Variants in TARS1 observed in about 807,000 individuals in gnomAD.
TARS1 encodes threonine--tRNA ligase 1, cytoplasmic.
A neutral mutation model predicts 97.7 loss-of-function variants in TARS1; 57 were observed. That is an observed-to-expected ratio of 0.58 (90% CI 0.47 to 0.73). The LOEUF (loss-of-function observed/expected upper bound fraction) is 0.73, where lower values mean the gene tolerates loss of function less well. TARS1 is among the 30% of genes least tolerant of loss of function. The pLI is 0.00. For synonymous variants in TARS1, 312 were observed against 293.7 expected (o/e 1.06, Z -0.64); for missense variants, 806 against 888.3 (o/e 0.91, Z 1.18).
intron 17 of TARS1, among the ~76,000 whole-genome samples, chr5:33,466,465 G>A (rs1303348499): frequency 3.3e-5 from 5 of 151,866 alleles, no homozygotes; most frequent in East Asian, 1.9e-4. Flanking sequence ...GGTGTTGATC[G>A]TGTGATATTT....
chr5:33,445,223 A>T, intron 1 of TARS1, 101 bp from the exon 2 acceptor site: 1 of 884,012 alleles, frequency 1.1e-6, no homozygotes, highest in Non-Finnish European at 1.7e-6. Context: ...TTTTTAAATT[A>T]AATAACAAAT....
intron 5 of TARS1, among the ~76,000 whole-genome samples, chr5:33,455,287 G>A (rs750530443): frequency 7.2e-5 from 11 of 152,114 alleles, no homozygotes; most frequent in Non-Finnish European, 1.3e-4. Context: ...AAGGTATTTT[G>A]GGAAATTCAG....
intron 16 of TARS1, among the ~76,000 whole-genome samples, chr5:33,463,207 C>A (rs1382519575): frequency 6.6e-6 from 1 of 152,176 alleles, no homozygotes; most frequent in Non-Finnish European, 1.5e-5. Flanking sequence ...AAGCATTTGA[C>A]ACTTGTATTG....
intron 3 of TARS1, chr5:33,452,437 C>G: frequency 6.5e-7 from 1 of 1,534,936 alleles, no homozygotes. Context: ...CTCTTTTCTT[C>G]CTGTGAGTGC....
At chr5:33,451,261 A>G (rs949264442) in intron 3 of TARS1, among the ~76,000 whole-genome samples, 8 of 152,362 alleles carry the variant, frequency 5.3e-5, no homozygotes, top group Admixed American at 3.9e-4. Context: ...TATAACATTG[A>G]TAACAGGCTA....
chr5:33,455,784 G>A lies in TARS1; in HGVS notation c.693+80G>A, dbSNP rs966081654. The A allele has an allele frequency of 7.1e-5, 77 of 1,091,710 alleles. 1 individual carries two copies. Among genetic ancestry groups the A allele is most frequent in the South Asian group, 3.8e-4 (26 of 67,862 alleles). The allele number at this position is 1,091,710 out of a possible 1,614,324, so 67.6% of individuals were successfully genotyped here. ...GTTGAAGTGACACCACTGGCGTTCC[G>A]TGTACTAAGCTGAAGTCTAATTGGT... On this transcript the variant is annotated intron_variant, in intron 6 of 18. Coordinates refer to ENST00000265112, the MANE Select transcript of TARS1 (RefSeq NM_152295.5).
chr5:33,456,436 A>G (rs1033611055), intron 8 of TARS1, among the ~76,000 whole-genome samples: 12 of 152,340 alleles, frequency 7.9e-5, no homozygotes, highest in Middle Eastern at 3.4e-3. Context: ...TGCCAGAGCA[A>G]TCACAGGGGA....
At chr5:33,442,135 C>T (rs1297219207) in intron 1 of TARS1, among the ~76,000 whole-genome samples, 2 of 152,128 alleles carry the variant, frequency 1.3e-5, no homozygotes, top group African/African-American at 4.8e-5. Flanking sequence ...AAGGGATCCT[C>T]TATCCCAAGT....
Position 33,460,920 on chromosome 5 carries a change from G to A in TARS1, c.1269G>A (p.Arg423=). 1.2e-6 allele frequency: 2 copies of A among 1,614,040 alleles called. No individual in the cohort carries two copies. The highest frequency in any genetic ancestry group is 8.5e-7 in the Non-Finnish European group (1 of 1,180,010). Reference sequence around the variant, plus strand: ...TCTTCAGCCTTATGTTTGATCATCGGCCAAGGTCCTGGCGAGAACTGCCTC... The same window carrying A: ...TCTTCAGCCTTATGTTTGATCATCGACCAAGGTCCTGGCGAGAACTGCCTC... ...CPGHCLMFDH[R]PRSWRELPLR... Residue 423 remains arginine (R), a synonymous_variant, in exon 12 of 19, where the codon CGG becomes CGA. Coordinates refer to ENST00000265112, the MANE Select transcript of TARS1 (RefSeq NM_152295.5).
At chr5:33,442,937 A>T (rs939500114) in intron 1 of TARS1, among the ~76,000 whole-genome samples, 6 of 152,142 alleles carry the variant, frequency 3.9e-5, no homozygotes, top group Non-Finnish European at 7.3e-5. Context: ...CAAACCCAGT[A>T]TCCTATAGCC....
Position 33,461,041 on chromosome 5 carries a change from C to G in TARS1, c.1390C>G (p.His464Asp). Residue 464 changes from histidine (H) to aspartate (D), a missense_variant, in exon 12 of 19, where the codon CAC becomes GAC. Coordinates refer to ENST00000265112, the MANE Select transcript of TARS1 (RefSeq NM_152295.5). ...RVRRFQQDDA[H>D]IFCAMEQIED... ...ACGAAGATTCCAACAGGATGATGCT[C>G]ACATATTCTGTGCCATGGAGCAGGT... 1 of 1,614,120 alleles carries G rather than the reference C, an allele frequency of 6.2e-7. No homozygotes were observed. Among genetic ancestry groups the G allele is most frequent in the Non-Finnish European group, 8.5e-7 (1 of 1,180,036 alleles).
At chr5:33,467,502 T>C in intron 18 of TARS1, 58 bp from the exon 19 acceptor site, 2 of 1,571,646 alleles carry the variant, frequency 1.3e-6, no homozygotes. Context: ...AGATGTTCAG[T>C]GTGAATTCTT....
Position 33,467,686 on chromosome 5 carries a change from A to G in TARS1, c.2150A>G (p.Lys717Arg). 1 of 1,612,198 alleles carries G rather than the reference A, an allele frequency of 6.2e-7. No individual in the cohort carries two copies. Among genetic ancestry groups the G allele is most frequent in the Non-Finnish European group, 8.5e-7 (1 of 1,179,474 alleles). Reference protein sequence around the residue: ...RLQQLKEFRSKQAEEEF With the variant: ...RLQQLKEFRSRQAEEEF ...CAGCAGCTCAAAGAGTTCCGCAGCA[A>G]ACAGGCAGAAGAAGAATTTTAATGA... is the stretch of plus-strand genomic sequence containing the variant. Residue 717 changes from lysine to arginine, a missense_variant, in exon 19 of 19, where the codon AAA becomes AGA. Around this residue, in one of 3 missense-constraint regions of TARS1, gnomAD observed 446 missense variants for 511.0 expected, o/e 0.87. Transcript: ENST00000265112.
intron 3 of TARS1, among the ~76,000 whole-genome samples, chr5:33,450,732 C>T (rs1235419438): frequency 6.6e-6 from 1 of 152,142 alleles, no homozygotes; most frequent in African/African-American, 2.4e-5. Context: ...GAACTTTTTC[C>T]TCTACCTTCT....
At position 33,452,122 on chromosome 5, in the gene TARS1, C is replaced by A. The variant is rs190959063; in HGVS notation, c.330-1167C>A. On this transcript the variant is annotated intron_variant, in intron 3 of 18. Transcript: ENST00000265112. ...AGTTGTATACATTTTGTTGTAAACC[C>A]TTAGACATAGAGAGCCACCAACACA... 3.9e-5 allele frequency among the ~76,000 whole-genome samples: 6 copies of A among 152,232 alleles called. No individual in the cohort carries two copies. The East Asian group carries it at 7.7e-4, about 20-fold the overall frequency.
Position 33,468,076 on chromosome 5 carries a change from A to T in TARS1, c.*368A>T. On this transcript the variant is annotated 3_prime_UTR_variant, in exon 19 of 19. Coordinates refer to ENST00000265112, the MANE Select transcript of TARS1 (RefSeq NM_152295.5). The stretch of plus-strand genomic sequence containing the variant: ...GGATTATGGTGTAAAAATAAAAAAA[A>T]AATTTATTCACATAAGTTTCAAGAC... The T allele has an allele frequency of 5.7e-6, 1 of 176,562 alleles. No individual in the cohort carries two copies. The highest frequency in any genetic ancestry group is 2.4e-3 in the Middle Eastern group (1 of 410). The allele number at this position is 176,562 out of a possible 1,614,324, so 10.9% of individuals were successfully genotyped here.
chr5:33,449,623 T>G (rs907216716), intron 3 of TARS1, among the ~76,000 whole-genome samples: 14 of 151,318 alleles, frequency 9.3e-5, no homozygotes, highest in African/African-American at 2.9e-4. Context: ...GCCCGGCTAA[T>G]TTTTTGTATT....
Position 33,451,108 on chromosome 5 carries a change from C to T in TARS1, c.330-2181C>T, listed in dbSNP as rs552797274. ...CAGCCTTGGTGACAGAGCGAGAGTC[C>T]GTCTCCAGGGAAAAAAATAAAAGGT... On this transcript the variant is annotated intron_variant, in intron 3 of 18. Transcript: ENST00000265112. 1.4e-4 allele frequency among the ~76,000 whole-genome samples: 22 copies of T among 152,058 alleles called. No homozygotes were observed. In the South Asian group the frequency reaches 1.9e-3, roughly 13 times the overall value.
intron 4 of TARS1, among the ~76,000 whole-genome samples, chr5:33,454,146 A>T (rs1275184271): frequency 6.6e-6 from 1 of 152,208 alleles, no homozygotes; most frequent in Non-Finnish European, 1.5e-5. Context: ...AATCTGCTGG[A>T]TAACACTATA....
Sources: gnomAD v4.1 joint callset for allele counts (sites outside exome capture counted in the v4.1 genomes callset) on GRCh38, gnomAD v4.1.1 for gene constraint, gnomAD v4.1.1 regional missense constraint, MANE v1.5 for transcripts, NCBI Gene and HGNC (gene_info 2026-07-23, HGNC 2026-07-21) for gene names.